Variants in SH3D19 observed in about 807,000 individuals in gnomAD.
The protein encoded by SH3D19 is SH3 domain containing 19.
In SH3D19, 58 loss-of-function variants were observed where a neutral mutation model predicts 112.1. The ratio of observed to expected loss-of-function variants is 0.52; its 90% CI spans 0.42 to 0.64. The LOEUF is 0.64. SH3D19 is among the 30% of genes least tolerant of loss of function. The pLI is 0.00. For synonymous variants in SH3D19, 391 were observed against 448.5 expected, an observed-to-expected ratio of 0.87 and a Z score of 1.62; for missense variants, 1,090 against 1,263.4, an observed-to-expected ratio of 0.86 and a Z score of 2.08.
intron 2 of SH3D19, among the ~76,000 whole-genome samples, chr4:151,206,382 T>C (rs984103042): frequency 1.3e-5 from 2 of 152,174 alleles, no homozygotes; most frequent in African/African-American, 4.8e-5. Flanking sequence ...AAGTCTTCTA[T>C]TACTCACTGG....
chr4:151,311,315 G>A (rs565428963), intron 1 of SH3D19, among the ~76,000 whole-genome samples: 68 of 152,016 alleles, frequency 4.5e-4, no homozygotes, highest in South Asian at 8.3e-4. Flanking sequence ...AGGATCACTT[G>A]AGCCCAGGAG....
intron 1 of SH3D19, among the ~76,000 whole-genome samples, chr4:151,260,026 G>GT (rs1226152764): frequency 1.3e-5 from 2 of 151,776 alleles, no homozygotes; most frequent in Admixed American, 1.3e-4. Flanking sequence ...ATCCATCTTT[G>GT]TTTTTTTCCT....
At chr4:151,202,191 C>T (rs958501219) in intron 2 of SH3D19, among the ~76,000 whole-genome samples, 5 of 151,882 alleles carry the variant, frequency 3.3e-5, no homozygotes, top group Non-Finnish European at 7.4e-5. Flanking sequence ...AAAAATTAGC[C>T]GGGCGTGGTG....
intron 2 of SH3D19, among the ~76,000 whole-genome samples, chr4:151,204,826 T>C (rs1008257679): frequency 6.6e-6 from 1 of 152,188 alleles, no homozygotes; most frequent in African/African-American, 2.4e-5. Context: ...GTCTGTTCTT[T>C]TTTTCTTTTT....
chr4:151,254,940 A>G (rs6849818), intron 1 of SH3D19, among the ~76,000 whole-genome samples: 121,933 of 140,150 alleles, frequency 0.87, 53,851 homozygotes, highest in Non-Finnish European at 0.96. Context: ...GCGGCTGGCC[A>G]GGCGGGGGGC....
intron 1 of SH3D19, among the ~76,000 whole-genome samples, chr4:151,307,512 G>T (rs991630481): frequency 3.3e-5 from 5 of 152,268 alleles, no homozygotes; most frequent in Admixed American, 3.3e-4. Context: ...TGCCTTCCCA[G>T]AGTTCCTGGT....
intron 2 of SH3D19, among the ~76,000 whole-genome samples, chr4:151,219,957 A>G (rs919349637): frequency 6.6e-6 from 1 of 152,214 alleles, no homozygotes; most frequent in Non-Finnish European, 1.5e-5. Context: ...ATGTCATAAG[A>G]TAAATCAAAT....
intron 7 of SH3D19, among the ~76,000 whole-genome samples, chr4:151,169,262 G>A (rs900269940): frequency 6.6e-6 from 1 of 152,064 alleles, no homozygotes; most frequent in Non-Finnish European, 1.5e-5. Flanking sequence ...CTCAGATAGT[G>A]TATAATTATT....
chr4:151,280,607 AC>A (rs1774121039), intron 1 of SH3D19, among the ~76,000 whole-genome samples: 2 of 152,068 alleles, frequency 1.3e-5, no homozygotes, highest in African/African-American at 4.8e-5. Context: ...AAATTCCAGG[AC>A]TCTTCAATAA....
intron 7 of SH3D19, 21 bp downstream of exon 7, chr4:151,174,649 C>G (rs1759629286): frequency 5.4e-6 from 8 of 1,494,960 alleles, no homozygotes; most frequent in African/African-American, 1.4e-5. Flanking sequence ...GATTCCCCTC[C>G]ACTGCTGATT....
At position 151,133,172 on chromosome 4, in the gene SH3D19, C is replaced by T. The variant is rs372532779; in HGVS notation, c.2551G>A (p.Glu851Lys). 344 of 1,614,096 alleles carry T rather than the reference C, an allele frequency of 2.1e-4. 3 individuals carry two copies. In the South Asian group the frequency reaches 2.6e-3, roughly 12 times the overall value. Residue 851 changes from glutamate to lysine, a missense_variant, in exon 16 of 20, where the codon GAG becomes AAG. Coordinates refer to ENST00000604030, the MANE Select transcript of SH3D19 (RefSeq NM_001378122.1). ...TCTTTAAGAATAATAATTTCTCCCT[C>T]TGAGAAACTCAACTCATCCTTCTGC... Reference protein sequence around the residue: ...GEQKDELSFSEGEIIILKEYV... With the variant: ...GEQKDELSFSKGEIIILKEYV...
At chr4:151,161,557 G>C (rs1035439814) in intron 8 of SH3D19, among the ~76,000 whole-genome samples, 1 of 151,044 alleles carries the variant, frequency 6.6e-6, no homozygotes, top group Non-Finnish European at 1.5e-5. Context: ...TACCCTCTTT[G>C]GGTATAAATT....
rs1028674969 is a variant in SH3D19, at chr4:151,276,182, C to T, written c.112+49059G>A. Among the ~76,000 whole-genome samples the T allele has an allele frequency of 3.9e-5, 6 of 152,188 alleles. No homozygotes were observed. In the South Asian group the frequency reaches 8.3e-4, roughly 21 times the overall value. ...TGCTTATATGTTTCTTTCAAGCATC[C>T]CAATATTTTAAGTTGCAAGAGAGCA... On this transcript the variant is annotated intron_variant, in intron 1 of 19. Coordinates refer to ENST00000604030, the MANE Select transcript of SH3D19 (RefSeq NM_001378122.1).
At chr4:151,228,180 G>GA in intron 1 of SH3D19, 1 of 391,712 alleles carries the variant, frequency 2.6e-6, no homozygotes, top group Non-Finnish European at 3.5e-6. Context: ...TCTGCTGGGG[G>GA]AAATTTTAAA....
intron 1 of SH3D19, among the ~76,000 whole-genome samples, chr4:151,299,409 C>T (rs1001159890): frequency 6.6e-6 from 1 of 151,858 alleles, no homozygotes; most frequent in Non-Finnish European, 1.5e-5. Flanking sequence ...GGAGAAACCC[C>T]GTCTCCACTA....
chr4:151,144,062 A>G lies in SH3D19; in HGVS notation c.2083-12T>C. 6.2e-7 allele frequency: 1 copy of G among 1,603,002 alleles called. No individual in the cohort carries two copies. The highest frequency in any genetic ancestry group is 2.2e-5 in the East Asian group (1 of 44,806). The stretch of plus-strand genomic sequence containing the variant: ...AGTACATCCCCACGCTGCAAGGTAC[A>G]ATACCACTCTCTGAAGCAATTATTA... On this transcript the variant is annotated splice_polypyrimidine_tract_variant and intron_variant, in intron 11 of 19. Transcript: ENST00000604030.
rs1004307509 is a variant in SH3D19 at position 151,325,457 on chromosome 4, G to T, written c.-105C>A. The stretch of plus-strand genomic sequence containing the variant: ...CACGCCACCGCCCTCGGGCCGGGGG[G>T]AAGGCGGCTCCCGGAGAGGAGGCGT... On this transcript the variant is annotated 5_prime_UTR_variant, in exon 1 of 20. Transcript: ENST00000604030. The T allele has an allele frequency of 4.2e-6, 2 of 475,576 alleles. No individual in the cohort carries two copies. The highest frequency in any genetic ancestry group is 6.3e-6 in the Non-Finnish European group (2 of 317,220). The allele number at this position is 475,576 out of a possible 1,614,324, so 29.5% of individuals were successfully genotyped here. A position where few individuals can be genotyped will look rare whatever the true frequency, so the allele number is the denominator to read the frequency against.
At chr4:151,246,206 C>T (rs1234926147) in intron 1 of SH3D19, among the ~76,000 whole-genome samples, 1 of 152,054 alleles carries the variant, frequency 6.6e-6, no homozygotes, top group African/African-American at 2.4e-5. Flanking sequence ...AAAGGAAAAC[C>T]TAATTCCTGG....
chr4:151,291,046 T>A (rs1319786880), intron 1 of SH3D19: 4 of 1,211,584 alleles, frequency 3.3e-6, no homozygotes, highest in Non-Finnish European at 3.5e-6. Context: ...TAAAGAATTC[T>A]CCACCCCTTA....
Sources: gnomAD v4.1 joint callset for allele counts (sites outside exome capture counted in the v4.1 genomes callset) on GRCh38, gnomAD v4.1.1 for gene constraint, MANE v1.5 for transcripts, NCBI Gene and HGNC (gene_info 2026-07-23, HGNC 2026-07-21) for gene names.